Variants in KCNA6 observed in about 807,000 individuals in gnomAD.
The protein encoded by KCNA6 is human brain potassium channel-2.
A neutral mutation model predicts 29.5 loss-of-function variants in KCNA6; 17 were observed. The observed-to-expected ratio is 0.58, with a 90% confidence interval of 0.39 to 0.86. The LOEUF is 0.86. Among genes scored for constraint, KCNA6 ranks in the 40% least tolerant of loss-of-function variants. The probability of loss-of-function intolerance (pLI) is 0.00; values close to 1 mark genes in which losing one functional copy is unlikely to be tolerated. For synonymous variants in KCNA6, 296 were observed against 304.7 expected (o/e 0.97, Z 0.30); for missense variants, 450 against 703.4 (o/e 0.64, Z 4.07).
Position 4,810,288 on chromosome 12 carries a change from G to A in KCNA6, c.247G>A (p.Glu83Lys). ...CCGCTTCTTCGACCCCCTGAGGAAC[G>A]AGTACTTCTTCGACCGCAACCGGCC... Residue 83 changes from glutamate to lysine, a missense_variant, in exon 1 of 1, where the codon GAG becomes AAG. Coordinates refer to ENST00000280684, the Ensembl canonical transcript of KCNA6. This position sits in a 1 kb window ranked among gnomAD's most constrained non-coding sequence, Gnocchi z 7.5. The A allele has an allele frequency of 6.2e-7, 1 of 1,614,050 alleles. No homozygotes were observed. Among genetic ancestry groups the A allele is most frequent in the Non-Finnish European group, 8.5e-7 (1 of 1,180,044 alleles).
the KCNA6 span, among the ~76,000 whole-genome samples, chr12:4,837,377 C>G: frequency 6.6e-6 from 1 of 152,114 alleles, no homozygotes; most frequent in East Asian, 1.9e-4. Flanking sequence ...TAAGCAAACC[C>G]ACGGAGGGGG....
chr12:4,845,311 GT>G, the KCNA6 span, among the ~76,000 whole-genome samples: 1 of 152,220 alleles, frequency 6.6e-6, no homozygotes, highest in Non-Finnish European at 1.5e-5. Context: ...CTGGATGGAT[GT>G]TAAATTCCAG....
the KCNA6 span, among the ~76,000 whole-genome samples, chr12:4,822,156 C>A: frequency 6.6e-6 from 1 of 152,182 alleles, no homozygotes; most frequent in East Asian, 1.9e-4. Flanking sequence ...TTTAATTGTG[C>A]CCCTAGCCAT....
the KCNA6 span, among the ~76,000 whole-genome samples, chr12:4,832,043 C>G: frequency 6.6e-6 from 1 of 152,144 alleles, no homozygotes; most frequent in African/African-American, 2.4e-5. Flanking sequence ...AGTAATAGCT[C>G]TCTCCTTCCT....
the KCNA6 span, among the ~76,000 whole-genome samples, chr12:4,846,765 CTTTTTTTTT>C: frequency 9.9e-6 from 1 of 100,594 alleles, no homozygotes; most frequent in African/African-American, 4.1e-5. Flanking sequence ...TGGAACACCT[CTTTTTTTTT>C]TTTTTTTTTT....
chr12:4,809,908 C>G, exon 1 of KCNA6: 1 of 1,095,042 alleles, frequency 9.1e-7, no homozygotes, highest in South Asian at 1.7e-5. Flanking sequence ...ACGGCCAGGT[C>G]AGACCGCGAA....
the KCNA6 span, among the ~76,000 whole-genome samples, chr12:4,832,226 G>A: frequency 1.3e-5 from 2 of 152,088 alleles, no homozygotes; most frequent in African/African-American, 2.4e-5. Context: ...CTCAGACAGA[G>A]AGGGAAATGT....
chr12:4,835,351 G>A, the KCNA6 span, among the ~76,000 whole-genome samples: 69 of 152,102 alleles, frequency 4.5e-4, 1 homozygote, highest in Admixed American at 1.4e-3. Context: ...AGCCAGGATG[G>A]TCTCGATCTC....
the KCNA6 span, among the ~76,000 whole-genome samples, chr12:4,827,174 T>C: frequency 9.1e-3 from 435 of 47,868 alleles, 5 homozygotes; most frequent in Admixed American, 0.017. Flanking sequence ...CCCTCCTTCT[T>C]TCCTTCCTTC....
chr12:4,831,469 A>G, the KCNA6 span, among the ~76,000 whole-genome samples: 1 of 152,174 alleles, frequency 6.6e-6, no homozygotes, highest in Non-Finnish European at 1.5e-5. Flanking sequence ...ACCGTTAGTC[A>G]GGAAAAAAAC....
chr12:4,822,582 A>T, the KCNA6 span, among the ~76,000 whole-genome samples: 1 of 152,252 alleles, frequency 6.6e-6, no homozygotes, highest in South Asian at 2.1e-4. Context: ...GGAATGTGTG[A>T]TGTAATTCAG....
At chr12:4,842,012 CGTGTGTGT>C in the KCNA6 span, among the ~76,000 whole-genome samples, 16,726 of 124,840 alleles carry the variant, frequency 0.13, 1,055 homozygotes, top group Middle Eastern at 0.26. Flanking sequence ...ATGGAGCTTA[CGTGTGTGT>C]GTGTGTGTGT....
chr12:4,816,249 G>C (rs1946680235), downstream of KCNA6, among the ~76,000 whole-genome samples: 1 of 142,640 alleles, frequency 7.0e-6, no homozygotes, highest in Non-Finnish European at 1.5e-5. Context: ...ACCACGAACT[G>C]GTGTGTGTGT....
At chr12:4,823,416 CTT>C in the KCNA6 span, among the ~76,000 whole-genome samples, 8,735 of 146,074 alleles carry the variant, frequency 0.06, 269 homozygotes, top group African/African-American at 0.091. Context: ...GGAAAAAAAG[CTT>C]TTTTTTTTTT....
the KCNA6 span, among the ~76,000 whole-genome samples, chr12:4,831,499 T>C: frequency 0.26 from 38,862 of 152,042 alleles, 5,264 homozygotes; most frequent in Middle Eastern, 0.37. Flanking sequence ...CAGTCTGGGC[T>C]AGCCTCTCTA....
At chr12:4,846,168 G>T in the KCNA6 span, among the ~76,000 whole-genome samples, 1 of 152,118 alleles carries the variant, frequency 6.6e-6, no homozygotes, top group African/African-American at 2.4e-5. Context: ...GAAAGCAAAG[G>T]TGTCACTATT....
At chr12:4,825,791 C>T in the KCNA6 span, among the ~76,000 whole-genome samples, 2 of 152,216 alleles carry the variant, frequency 1.3e-5, no homozygotes, top group African/African-American at 4.8e-5. Context: ...TTTAGAGCTA[C>T]CTTGCTAGGA....
At chr12:4,824,726 A>C in the KCNA6 span, among the ~76,000 whole-genome samples, 1 of 152,186 alleles carries the variant, frequency 6.6e-6, no homozygotes. Flanking sequence ...GAAGAAATGC[A>C]CAAGGGTGTA....
chr12:4,811,208 C>A lies in KCNA6; in HGVS notation c.1167C>A (p.Leu389=). The change falls in exon 1 of 1, where the codon CTC becomes CTA. Residue 389 remains leucine (L), a synonymous_variant. Coordinates refer to ENST00000280684, the Ensembl canonical transcript of KCNA6. This position sits in a 1 kb window ranked among gnomAD's most constrained non-coding sequence, Gnocchi z 7.1. ...TCTTCCTCTTCATCGGGGTCATCCTCTTCTCCAGTGCCGTCTACTTCGCAG... is the reference window on the plus strand; with the variant it reads ...TCTTCCTCTTCATCGGGGTCATCCTATTCTCCAGTGCCGTCTACTTCGCAG... 6.2e-7 allele frequency: 1 copy of A among 1,614,274 alleles called. No individual in the cohort carries two copies. Among genetic ancestry groups the A allele is most frequent in the Non-Finnish European group, 8.5e-7 (1 of 1,180,046 alleles).
Sources: gnomAD v4.1 joint callset for allele counts (sites outside exome capture counted in the v4.1 genomes callset) on GRCh38, gnomAD v4.1.1 for gene constraint, Gnocchi (gnomAD v3.1) non-coding constraint, MANE v1.5 for transcripts, NCBI Gene and HGNC (gene_info 2026-07-23, HGNC 2026-07-21) for gene names.